Variants in PLA2R1 observed in about 807,000 individuals in gnomAD.
PLA2R1 encodes the protein phospholipase A2 receptor 1.
In PLA2R1, 158 loss-of-function variants were observed where a neutral mutation model predicts 195.9. The ratio of observed to expected loss-of-function variants is 0.81; its 90% confidence interval spans 0.71 to 0.92. The LOEUF (loss-of-function observed/expected upper bound fraction) is 0.92, where lower values mean the gene tolerates loss of function less well. Among genes scored for constraint, PLA2R1 ranks in the 40% least tolerant of loss-of-function variants. PLA2R1 has a pLI of 0.00. For synonymous variants in PLA2R1, 586 were observed against 598.2 expected (o/e 0.98, Z 0.30); for missense variants, 1,626 against 1,764.6 (o/e 0.92, Z 1.41).
In PLA2R1 at chr2:159,967,637, T is replaced by C. The variant is rs761396782; in HGVS notation, c.2806A>G (p.Ile936Val). 6 of 1,613,738 alleles carry C rather than the reference T, an allele frequency of 3.7e-6. No individual in the cohort carries two copies. The South Asian group carries it at 5.5e-5, about 15-fold the overall frequency. ...AGCCAAACCTTTTTTCGCTTACAGA[T>C]ACTAGGCATAGAAACTGAACACTCT... is the stretch of plus-strand genomic sequence containing the variant. ...SEECSVSMPS[I>V]CKRKKVWLIE... Residue 936 changes from isoleucine (I) to valine (V), a missense_variant, in exon 20 of 30, where the codon ATC (isoleucine) becomes GTC (valine). Physicochemically the swap from Ile to Val is conservative, Grantham distance 29. Coordinates refer to ENST00000283243, the MANE Select transcript of PLA2R1 (RefSeq NM_007366.5).
chr2:159,946,241 G>T (rs1390125398), intron 27 of PLA2R1: 1 of 981,586 alleles, frequency 1.0e-6, no homozygotes, highest in Non-Finnish European at 1.2e-6. Flanking sequence ...TCCTCGAAAG[G>T]GTAGGCTCAC....
chr2:160,051,738 A>G (rs1009299318), intron 1 of PLA2R1, among the ~76,000 whole-genome samples: 3 of 152,184 alleles, frequency 2.0e-5, no homozygotes, highest in African/African-American at 7.2e-5. Context: ...TTTCAAACCA[A>G]TAAGTGAGGA....
chr2:159,955,246 T>C lies in PLA2R1; in HGVS notation c.3254A>G (p.Glu1085Gly), dbSNP rs758620680. ...CCCATAGCCTTCCTTTCCACAGTCT[T>C]CAAAATACCATTTTCCAGTGAAATG... ...NFHFTGKWYF[E>G]DCGKEGYGFV... Residue 1085 changes from glutamate (E) to glycine (G), a missense_variant, in exon 23 of 30, where the codon GAA (glutamate) becomes GGA (glycine). Physicochemically the swap from Glu to Gly is moderately conservative, Grantham distance 98. Coordinates refer to ENST00000283243, the MANE Select transcript of PLA2R1 (RefSeq NM_007366.5). 1.2e-6 allele frequency: 2 copies of C among 1,612,030 alleles called. No individual in the cohort carries two copies. Among genetic ancestry groups the C allele is most frequent in the East Asian group, 2.2e-5 (1 of 44,796 alleles).
At chr2:160,056,246 A>T (rs546678582) in intron 1 of PLA2R1, among the ~76,000 whole-genome samples, 2 of 152,284 alleles carry the variant, frequency 1.3e-5, no homozygotes, top group South Asian at 2.1e-4. Context: ...GGTATTTTTT[A>T]AAAAATGAAA....
chr2:160,045,867 C>T (rs938327084), intron 1 of PLA2R1, among the ~76,000 whole-genome samples: 20 of 152,146 alleles, frequency 1.3e-4, no homozygotes, highest in African/African-American at 4.8e-4. Context: ...AGGTGACGGA[C>T]CACCATTACG....
At chr2:159,949,521 T>C (rs965156100) in intron 25 of PLA2R1, 87 bp downstream of exon 25, 3 of 922,430 alleles carry the variant, frequency 3.3e-6, no homozygotes, top group Non-Finnish European at 5.0e-6. Flanking sequence ...CTTACTATAC[T>C]CATCCTCATA....
Position 160,027,980 on chromosome 2 carries a change from G to T in PLA2R1, c.1099+238C>A, listed in dbSNP as rs938708257. On this transcript the variant is annotated intron_variant, in intron 6 of 29. Transcript: ENST00000283243. ...ACAGTGCAAATTTTTTAAAAGAGAA[G>T]AAAATGTTTGCTATGCTCAGATTAT... 2.6e-4 allele frequency among the ~76,000 whole-genome samples: 40 copies of T among 152,130 alleles called. 1 individual carries two copies. The highest frequency in any genetic ancestry group is 1.2e-4 in the Non-Finnish European group (8 of 67,988).
chr2:160,055,639 T>G (rs1369345309), intron 1 of PLA2R1, among the ~76,000 whole-genome samples: 3 of 152,226 alleles, frequency 2.0e-5, no homozygotes, highest in African/African-American at 7.2e-5. Flanking sequence ...AGGGATCCTT[T>G]GCATTAGTGC....
chr2:160,010,041 T>C (rs1187121583), intron 10 of PLA2R1, among the ~76,000 whole-genome samples: 1 of 151,940 alleles, frequency 6.6e-6, no homozygotes, highest in Non-Finnish European at 1.5e-5. Flanking sequence ...GCCCAGGAGG[T>C]CAAAGCTGCA....
chr2:159,952,505 A>G (rs1473948980), intron 23 of PLA2R1, among the ~76,000 whole-genome samples: 1 of 152,226 alleles, frequency 6.6e-6, no homozygotes, highest in East Asian at 1.9e-4. Flanking sequence ...ATCCAAAGTG[A>G]CTTGAATTTC....
intron 20 of PLA2R1, among the ~76,000 whole-genome samples, chr2:159,961,736 A>G (rs1279913485): frequency 6.6e-6 from 1 of 152,114 alleles, no homozygotes; most frequent in African/African-American, 2.4e-5. Context: ...CCATTCCCAT[A>G]GATACACACT....
intron 11 of PLA2R1, among the ~76,000 whole-genome samples, chr2:160,002,895 G>A (rs748613107): frequency 3.9e-5 from 6 of 151,968 alleles, no homozygotes; most frequent in Non-Finnish European, 7.4e-5. Context: ...TTTAAAATCT[G>A]TTAATAATTT....
At chr2:159,995,172 C>A (rs1040337465) in intron 11 of PLA2R1, among the ~76,000 whole-genome samples, 1 of 152,024 alleles carries the variant, frequency 6.6e-6, no homozygotes, top group Non-Finnish European at 1.5e-5. Context: ...AAAAGGGAAA[C>A]ACAGGAGCTT....
At chr2:159,930,118 C>T (rs879851464), downstream of PLA2R1, among the ~76,000 whole-genome samples, 1 of 152,068 alleles carries the variant, frequency 6.6e-6, no homozygotes, top group Non-Finnish European at 1.5e-5. Context: ...TAAAAGACTA[C>T]ACATTGGTGG....
intron 1 of PLA2R1, among the ~76,000 whole-genome samples, chr2:160,053,665 C>G (rs1448132680): frequency 6.6e-6 from 1 of 152,244 alleles, no homozygotes; most frequent in African/African-American, 2.4e-5. Context: ...GGCATCCACT[C>G]CCAGGGCCCA....
intron 9 of PLA2R1, among the ~76,000 whole-genome samples, chr2:160,014,939 C>T (rs1020065532): frequency 1.3e-5 from 2 of 152,058 alleles, no homozygotes; most frequent in African/African-American, 4.8e-5. Context: ...TTGACCTTTC[C>T]GATAATGTAT....
intron 10 of PLA2R1, among the ~76,000 whole-genome samples, chr2:160,011,343 T>C (rs1164851800): frequency 1.3e-5 from 2 of 152,244 alleles, no homozygotes; most frequent in African/African-American, 2.4e-5. Context: ...CTTGTGTCTA[T>C]GTTCGATCTC....
At chr2:160,045,225 A>T in intron 1 of PLA2R1, 68 bp from the exon 2 acceptor site, 2 of 1,248,842 alleles carry the variant, frequency 1.6e-6, no homozygotes, top group Non-Finnish European at 2.3e-6. Flanking sequence ...TGAGGATCTC[A>T]GTGTGCATAT....
At chr2:160,029,023 C>A in intron 4 of PLA2R1, 60 bp from the exon 5 acceptor site, 1 of 892,208 alleles carries the variant, frequency 1.1e-6, no homozygotes. Context: ...CTTTCTTGTT[C>A]TCCTATTCCT....
Sources: allele counts gnomAD v4.1 joint callset (sites outside exome capture counted in the v4.1 genomes callset), GRCh38; gene constraint gnomAD v4.1.1; transcripts MANE v1.5; gene names NCBI Gene and HGNC (gene_info 2026-07-23, HGNC 2026-07-21).